Variants in TEX14 observed in about 807,000 individuals in gnomAD.
TEX14 encodes the protein inactive serine/threonine-protein kinase TEX14.
Under a neutral mutation model 178.6 loss-of-function variants are expected in TEX14, and 168 were observed. The observed-to-expected ratio is 0.94, with a 90% CI of 0.83 to 1.07. The LOEUF (loss-of-function observed/expected upper bound fraction) is 1.07. TEX14 is among the 50% of genes least tolerant of loss of function. TEX14 has a pLI of 0.00. For missense variants in TEX14, 1,730 were observed against 1,753.6 expected, an observed-to-expected ratio of 0.99 and a Z score of 0.24; for synonymous variants, 626 against 634.1, an observed-to-expected ratio of 0.99 and a Z score of 0.19.
chr17:58,562,950 T>C (rs768643031), intron 28 of TEX14, among the ~76,000 whole-genome samples: 1 of 151,992 alleles, frequency 6.6e-6, no homozygotes, highest in Non-Finnish European at 1.5e-5. Flanking sequence ...CATGAGCCTA[T>C]AGACCCAACT....
At chr17:58,557,947 G>A (rs1264006770) in intron 30 of TEX14, 97 bp from the exon 31 acceptor site, 1 of 893,682 alleles carries the variant, frequency 1.1e-6, no homozygotes, top group Non-Finnish European at 1.8e-6. Context: ...ATTTAGAGTA[G>A]ACTGTTTTAC....
intron 3 of TEX14, among the ~76,000 whole-genome samples, chr17:58,625,763 C>CA (rs2046122988): frequency 6.6e-6 from 1 of 151,970 alleles, no homozygotes; most frequent in African/African-American, 2.4e-5. Flanking sequence ...TATTTTGAGA[C>CA]AGAGTCTCTG....
Position 58,621,722 on chromosome 17 carries a change from T to G in TEX14, c.482A>C (p.Asp161Ala). The part of the protein sequence containing the change: ...MQAIIQGFSY[D>A]LLKKIDSPQR... ...CGGGGAGTCTATCTTCTTCAGGAGG[T>G]CGTAAGAGAAGCCCTGGATGATGGC... The change falls in exon 5 of 32, where the codon GAC becomes GCC. Residue 161 changes from aspartate (D) to alanine (A), a missense_variant. Transcript: ENST00000349033. 1 of 1,613,904 alleles carries G rather than the reference T, an allele frequency of 6.2e-7. No individual in the cohort carries two copies. The highest frequency in any genetic ancestry group is 8.5e-7 in the Non-Finnish European group (1 of 1,179,954).
intron 2 of TEX14, among the ~76,000 whole-genome samples, chr17:58,649,786 C>G (rs1294282756): frequency 6.6e-6 from 1 of 152,132 alleles, no homozygotes; most frequent in Non-Finnish European, 1.5e-5. Context: ...GTCCCCCAGG[C>G]TGGAGTGCAG....
intron 1 of TEX14, among the ~76,000 whole-genome samples, chr17:58,678,983 G>A (rs1266277626): frequency 6.6e-6 from 1 of 151,710 alleles, no homozygotes; most frequent in Non-Finnish European, 1.5e-5. Context: ...GTGAAACCCC[G>A]TCTCTACTAA....
At chr17:58,666,972 G>C (rs548996396) in intron 1 of TEX14, among the ~76,000 whole-genome samples, 3 of 152,214 alleles carry the variant, frequency 2.0e-5, no homozygotes, top group Admixed American at 1.3e-4. Flanking sequence ...TTCTCATCTC[G>C]GCCCGCTTCC....
At chr17:58,580,501 G>A (rs1015200540) in intron 19 of TEX14, among the ~76,000 whole-genome samples, 8 of 152,074 alleles carry the variant, frequency 5.3e-5, no homozygotes, top group African/African-American at 1.9e-4. Flanking sequence ...TAGTAGAGAC[G>A]AGGTTTCACC....
chr17:58,588,889 A>G (rs1298833481), intron 15 of TEX14, among the ~76,000 whole-genome samples: 1 of 152,012 alleles, frequency 6.6e-6, no homozygotes. Context: ...ACATAGTGAA[A>G]CTCTGTCTCC....
At chr17:58,645,286 C>T (rs894839602) in intron 2 of TEX14, among the ~76,000 whole-genome samples, 2 of 152,068 alleles carry the variant, frequency 1.3e-5, no homozygotes, top group Non-Finnish European at 2.9e-5. Context: ...CCATGCCCAG[C>T]CTATATTAGT....
In TEX14 at chr17:58,605,203, TTTCA is replaced by T. The variant is rs1190311268; in HGVS notation, c.1185-78_1185-75del. 3.6e-5 allele frequency: 53 copies of T among 1,490,522 alleles called. No homozygotes were observed. In the East Asian group the frequency reaches 1.1e-3, roughly 31 times the overall value. 92.3% of individuals were successfully genotyped at this position (1,490,522 alleles called of 1,614,324 possible). A position where few individuals can be genotyped will look rare whatever the true frequency, so the allele number is the denominator to read the frequency against. ...TATTCATTCATTCATTCATTCATTC[TTTCA>T]TTCATTCAGAGTCTTGCCCTGTCAC... On this transcript the variant is annotated intron_variant, in intron 10 of 31. Coordinates refer to ENST00000349033, the MANE Select transcript of TEX14 (RefSeq NM_031272.5).
chr17:58,633,619 G>A (rs1258397475), intron 2 of TEX14, among the ~76,000 whole-genome samples: 2 of 151,982 alleles, frequency 1.3e-5, no homozygotes, highest in African/African-American at 2.4e-5. Flanking sequence ...GAGGTCAGGA[G>A]TTTGAGACCA....
At chr17:58,564,512 A>T (rs2044355516) in intron 28 of TEX14, among the ~76,000 whole-genome samples, 1 of 152,182 alleles carries the variant, frequency 6.6e-6, no homozygotes, top group African/African-American at 2.4e-5. Flanking sequence ...AGGGTGTGGG[A>T]AGAAGAGAAA....
chr17:58,688,909 CCCA>C (rs1332585403), intron 1 of TEX14, among the ~76,000 whole-genome samples: 2 of 151,940 alleles, frequency 1.3e-5, no homozygotes, highest in South Asian at 2.1e-4. Context: ...GCATTTTACC[CCCA>C]CATTTTGTTT....
chr17:58,611,560 G>A (rs1166400359), intron 9 of TEX14, among the ~76,000 whole-genome samples: 1 of 152,174 alleles, frequency 6.6e-6, no homozygotes, highest in Non-Finnish European at 1.5e-5. Context: ...TCCCTCAGCT[G>A]AGCTGCTTCA....
chr17:58,637,856 C>CTT (rs58823773), intron 2 of TEX14, among the ~76,000 whole-genome samples: 145 of 135,694 alleles, frequency 1.1e-3, no homozygotes, highest in Non-Finnish European at 1.7e-3. Context: ...AACCTACTGC[C>CTT]TTTTTTTTTT....
At chr17:58,616,049 T>G (rs2045864616) in intron 7 of TEX14, 126 bp downstream of exon 7, 2 of 1,128,260 alleles carry the variant, frequency 1.8e-6, no homozygotes, top group East Asian at 2.5e-5. Context: ...GAAACCCTGA[T>G]TTAGACAGAT....
At chr17:58,668,689 CT>C (rs761386647) in intron 1 of TEX14, among the ~76,000 whole-genome samples, 1 of 152,048 alleles carries the variant, frequency 6.6e-6, no homozygotes, top group Non-Finnish European at 1.5e-5. Flanking sequence ...GAGAGGACTT[CT>C]TTTTTTTATT....
chr17:58,630,619 G>T, intron 2 of TEX14, 65 bp from the exon 3 acceptor site: 1 of 1,100,700 alleles, frequency 9.1e-7, no homozygotes, highest in Non-Finnish European at 1.4e-6. Context: ...ACTGGGTAGG[G>T]GGTGGGGGAA....
At chr17:58,561,650 C>A (rs1349924081) in intron 28 of TEX14, 38 bp from the exon 29 acceptor site, 9 of 1,367,072 alleles carry the variant, frequency 6.6e-6, no homozygotes, top group Non-Finnish European at 9.4e-6. Context: ...AGACAACAGT[C>A]ATTTCCCATC....
Sources: allele counts gnomAD v4.1 joint callset (sites outside exome capture counted in the v4.1 genomes callset), GRCh38; gene constraint gnomAD v4.1.1; transcripts MANE v1.5; gene names NCBI Gene and HGNC (gene_info 2026-07-23, HGNC 2026-07-21).